Variants in KIFC3 observed in about 807,000 individuals in gnomAD.
KIFC3 encodes kinesin family member C3.
KIFC3 carries 60 observed loss-of-function variants against 101.8 expected under a neutral mutation model. The observed-to-expected ratio is 0.59, with a 90% CI of 0.48 to 0.73. The LOEUF (loss-of-function observed/expected upper bound fraction) is 0.73, where lower values mean the gene tolerates loss of function less well. Among genes scored for constraint, KIFC3 ranks in the 30% least tolerant of loss-of-function variants. The probability of loss-of-function intolerance (pLI) is 0.00; values close to 1 mark genes in which losing one functional copy is unlikely to be tolerated. For synonymous variants in KIFC3, 476 were observed against 482.7 expected (o/e 0.99, Z 0.18); for missense variants, 966 against 1,137.1 (o/e 0.85, Z 2.16).
In KIFC3 at chr16:57,790,954, C is replaced by T. The variant is rs904852382; in HGVS notation, c.315+4045G>A. On this transcript the variant is annotated intron_variant, in intron 3 of 19. Coordinates refer to ENST00000445690, the MANE Select transcript of KIFC3 (RefSeq NM_001130100.2). ...CCTCTTATATTTAGGAATATTCCTG[C>T]TGGGCGCAGTGGCTCACACCTGTAA... 9.1e-6 allele frequency: 9 copies of T among 984,936 alleles called. No homozygotes were observed. The Admixed American group carries it at 4.9e-4, about 54-fold the overall frequency. The allele number at this position is 984,936 out of a possible 1,614,324, so 61.0% of individuals were successfully genotyped here. A position where few individuals can be genotyped will look rare whatever the true frequency, so the allele number is the denominator to read the frequency against.
chr16:57,764,630 CACAGGCCTG>C (rs1394474060), intron 11 of KIFC3, among the ~76,000 whole-genome samples: 7 of 152,212 alleles, frequency 4.6e-5, no homozygotes, highest in Admixed American at 4.6e-4. Flanking sequence ...AACAGGAGGG[CACAGGCCTG>C]GCAGGGCTGG....
intron 1 of KIFC3, among the ~76,000 whole-genome samples, chr16:57,856,485 AAGGG>A (rs201470112): frequency 0.046 from 6,179 of 133,516 alleles, 207 homozygotes; most frequent in Non-Finnish European, 0.071. Context: ...GGAAGGAAAG[AAGGG>A]AGGGAGGGAG....
At chr16:57,800,368 G>A (rs781909503) in intron 1 of KIFC3, among the ~76,000 whole-genome samples, 1 of 152,228 alleles carries the variant, frequency 6.6e-6, no homozygotes. Flanking sequence ...TGAGGAAACT[G>A]AGATGGACCA....
rs1342546776 is a variant in KIFC3 at position 57,795,158 on chromosome 16, A to G, written c.173-17T>C. ...TTCCACGCCCTGTCCCAGGACAGAG[A>G]GATAGGTGAGACACTCCGACCACTG... On this transcript the variant is annotated splice_polypyrimidine_tract_variant and intron_variant, in intron 2 of 19. Coordinates refer to ENST00000445690, the MANE Select transcript of KIFC3 (RefSeq NM_001130100.2). The G allele has an allele frequency of 2.5e-6, 4 of 1,604,110 alleles. No individual in the cohort carries two copies. Among genetic ancestry groups the G allele is most frequent in the Middle Eastern group, 3.3e-4 (2 of 6,034 alleles).
chr16:57,818,300 T>A (rs782570460), intron 1 of KIFC3, among the ~76,000 whole-genome samples: 15 of 152,188 alleles, frequency 9.9e-5, no homozygotes, highest in Admixed American at 6.5e-4. Context: ...GGGAAACAGT[T>A]GGTAAGGAAA....
intron 1 of KIFC3, among the ~76,000 whole-genome samples, chr16:57,826,078 C>G (rs907415754): frequency 6.6e-6 from 1 of 152,270 alleles, no homozygotes; most frequent in South Asian, 2.1e-4. Context: ...AACCTCCGTC[C>G]TCTGCCTCCC....
At chr16:57,765,358 C>T (rs1484292566) in intron 11 of KIFC3, 101 bp downstream of exon 11, 1 of 1,195,756 alleles carries the variant, frequency 8.4e-7, no homozygotes, top group African/African-American at 1.5e-5. Flanking sequence ...TCCTGCACCC[C>T]CCACTCTTAA....
At chr16:57,777,884 T>C (rs1162431161) in intron 3 of KIFC3, among the ~76,000 whole-genome samples, 1 of 152,250 alleles carries the variant, frequency 6.6e-6, no homozygotes, top group Non-Finnish European at 1.5e-5. Context: ...GATCATTTAA[T>C]GTGGGAAAGG....
chr16:57,784,361 C>A (rs2053096880), intron 3 of KIFC3, among the ~76,000 whole-genome samples: 1 of 152,164 alleles, frequency 6.6e-6, no homozygotes, highest in Admixed American at 6.5e-5. Context: ...AGGGGTGCCC[C>A]AAGGAGCCCC....
chr16:57,823,981 A>AT (rs1440630621), intron 1 of KIFC3, among the ~76,000 whole-genome samples: 1 of 152,212 alleles, frequency 6.6e-6, no homozygotes, highest in Non-Finnish European at 1.5e-5. Context: ...AAAGTCTGCA[A>AT]TTATGAAAGA....
intron 1 of KIFC3, among the ~76,000 whole-genome samples, chr16:57,859,581 G>A (rs1308810344): frequency 6.6e-6 from 1 of 152,096 alleles, no homozygotes; most frequent in Non-Finnish European, 1.5e-5. Context: ...CTAAGATTAT[G>A]TTGTCTACAT....
intron 1 of KIFC3, among the ~76,000 whole-genome samples, chr16:57,811,771 C>T (rs1409834832): frequency 6.6e-6 from 1 of 151,854 alleles, no homozygotes; most frequent in Non-Finnish European, 1.5e-5. Flanking sequence ...CAAAAATTAG[C>T]CGGGCATGGT....
chr16:57,850,802 G>A (rs1457894486), intron 1 of KIFC3, among the ~76,000 whole-genome samples: 3 of 152,030 alleles, frequency 2.0e-5, no homozygotes, highest in African/African-American at 4.8e-5. Context: ...TTCATACATT[G>A]TACGGAGTTC....
At chr16:57,781,958 G>A (rs12933672) in intron 3 of KIFC3, 726,380 of 985,174 alleles carry the variant, frequency 0.74, 271,378 homozygotes, top group Non-Finnish European at 0.76. Flanking sequence ...AGCAGTGTGA[G>A]AAAGCAGCCG....
At chr16:57,783,828 C>A (rs2053025634) in intron 3 of KIFC3, among the ~76,000 whole-genome samples, 1 of 152,192 alleles carries the variant, frequency 6.6e-6, no homozygotes, top group African/African-American at 2.4e-5. Flanking sequence ...AAAAGCCTAA[C>A]TGGGGAAGGT....
intron 1 of KIFC3, chr16:57,846,440 G>A (rs1231164270): frequency 2.0e-5 from 3 of 152,386 alleles, no homozygotes; most frequent in African/African-American, 4.8e-5. Context: ...GGATGGTGGA[G>A]GGTGACCTAA....
In KIFC3 at chr16:57,769,554, C is replaced by G. The variant is rs781794754; in HGVS notation, c.1218+41G>C. ...TGGATGTCGTGCCTCTCCCAGTGCACCCCCTTAGCCTGGACCCTCCCACCC... is the reference window on the plus strand; with the variant it reads ...TGGATGTCGTGCCTCTCCCAGTGCAGCCCCTTAGCCTGGACCCTCCCACCC... On this transcript the variant is annotated intron_variant, in intron 9 of 19. Transcript: ENST00000445690. The surrounding 1 kb of genome is among the most constrained non-coding windows in gnomAD (Gnocchi z 4.3). 1.3e-6 allele frequency: 2 copies of G among 1,575,296 alleles called. No individual in the cohort carries two copies. The highest frequency in any genetic ancestry group is 1.1e-5 in the South Asian group (1 of 87,852).
chr16:57,846,210 C>G (rs373033159), intron 1 of KIFC3: 2 of 152,426 alleles, frequency 1.3e-5, no homozygotes, highest in Non-Finnish European at 2.9e-5. Flanking sequence ...CACCCCTCTC[C>G]CTGGGTGGGG....
upstream of KIFC3, chr16:57,802,648 G>GCACTCCCACTCC (rs1334596039): frequency 4.9e-6 from 5 of 1,020,612 alleles, no homozygotes; most frequent in Non-Finnish European, 4.9e-6. The surrounding 1 kb of genome is among the most constrained non-coding windows in gnomAD (Gnocchi z 5.0). Flanking sequence ...TCTCCCGCCG[G>GCACTCCCACTCC]CACTCCCACT....
Sources: allele counts gnomAD v4.1 joint callset (sites outside exome capture counted in the v4.1 genomes callset), GRCh38; gene constraint gnomAD v4.1.1; non-coding constraint Gnocchi (gnomAD v3.1); transcripts MANE v1.5; gene names NCBI Gene and HGNC (gene_info 2026-07-23, HGNC 2026-07-21).